Variants in ANXA3 observed in about 807,000 individuals in gnomAD.
ANXA3 encodes the protein annexin A3.
In ANXA3, 46 loss-of-function variants were observed where a neutral mutation model predicts 48.8. That is an observed-to-expected ratio of 0.94 (90% CI 0.74 to 1.21). The LOEUF (loss-of-function observed/expected upper bound fraction) is 1.21, where lower values mean the gene tolerates loss of function less well. Ranked by LOEUF, ANXA3 falls within the 50% of genes most tolerant of loss-of-function variation. ANXA3 has a pLI of 0.00. For synonymous variants in ANXA3, 128 were observed against 134.7 expected (o/e 0.95, Z 0.35); for missense variants, 383 against 378.6 (o/e 1.01, Z -0.10).
At chr4:78,584,021 C>T (rs1383230292) in intron 5 of ANXA3, among the ~76,000 whole-genome samples, 1 of 152,140 alleles carries the variant, frequency 6.6e-6, no homozygotes, top group African/African-American at 2.4e-5. Flanking sequence ...GCTACACTGG[C>T]CTTTTCTCTG....
intron 2 of ANXA3, among the ~76,000 whole-genome samples, chr4:78,563,850 C>T (rs1302418919): frequency 6.6e-6 from 1 of 152,136 alleles, no homozygotes; most frequent in East Asian, 1.9e-4. Flanking sequence ...TGTTAGATTG[C>T]AGGACCCTTA....
chr4:78,599,997 G>C (rs184618714), intron 10 of ANXA3, among the ~76,000 whole-genome samples: 1 of 152,122 alleles, frequency 6.6e-6, no homozygotes, highest in Non-Finnish European at 1.5e-5. Flanking sequence ...TTTTAATGTT[G>C]GGCAAGCACA....
At chr4:78,582,534 A>G (rs933565927) in intron 5 of ANXA3, 7 of 420,610 alleles carry the variant, frequency 1.7e-5, no homozygotes, top group Non-Finnish European at 2.1e-5. Context: ...CTAATTTGTC[A>G]TCGTTGAAAG....
chr4:78,591,767 G>T, intron 7 of ANXA3, 144 bp downstream of exon 7: 1 of 610,450 alleles, frequency 1.6e-6, no homozygotes, highest in Non-Finnish European at 2.9e-6. Context: ...CATTTTCATT[G>T]CCACCAAGCA....
At position 78,595,891 on chromosome 4, in the gene ANXA3, C is replaced by G. The variant is rs766462540; in HGVS notation, c.634+4C>G. On this transcript the variant is annotated splice_donor_region_variant and intron_variant, in intron 9 of 12. Coordinates refer to ENST00000264908, the MANE Select transcript of ANXA3 (RefSeq NM_005139.3). ...AGCTTTCCTCAATTAAAACTAAGTA[C>G]AAACTCACATTACAATCCTTTGTGT... is the stretch of plus-strand genomic sequence containing the variant. 2 of 1,552,988 alleles carry G rather than the reference C, an allele frequency of 1.3e-6. No individual in the cohort carries two copies. Among genetic ancestry groups the G allele is most frequent in the African/African-American group, 2.7e-5 (2 of 73,688 alleles).
chr4:78,607,779 GT>G (rs1723681546), intron 12 of ANXA3, among the ~76,000 whole-genome samples: 1 of 152,144 alleles, frequency 6.6e-6, no homozygotes, highest in Admixed American at 6.5e-5. Flanking sequence ...GAAGTTTGGG[GT>G]TAGAGAAATG....
chr4:78,558,632 T>C (rs1397790072), intron 2 of ANXA3, among the ~76,000 whole-genome samples: 1 of 152,246 alleles, frequency 6.6e-6, no homozygotes, highest in Non-Finnish European at 1.5e-5. Flanking sequence ...TTTTATATTC[T>C]ATCTAGGAGT....
At chr4:78,599,906 C>A (rs1350898887) in intron 10 of ANXA3, among the ~76,000 whole-genome samples, 1 of 151,876 alleles carries the variant, frequency 6.6e-6, no homozygotes, top group Non-Finnish European at 1.5e-5. Context: ...GCCTGAGTGA[C>A]AAAAGTGAGA....
At chr4:78,555,674 T>TA (rs113457974) in intron 2 of ANXA3, among the ~76,000 whole-genome samples, 298 of 142,394 alleles carry the variant, frequency 2.1e-3, no homozygotes, top group African/African-American at 5.3e-3. Context: ...CCCAGTCTCT[T>TA]AAAAAAAAAA....
chr4:78,603,888 T>C (rs1405302587), intron 11 of ANXA3: 4 of 155,544 alleles, frequency 2.6e-5, no homozygotes, highest in Admixed American at 6.5e-5. Context: ...GTTGACTGTT[T>C]AGTCCTTGCT....
At chr4:78,582,732 C>A (rs981763276) in intron 5 of ANXA3, among the ~76,000 whole-genome samples, 4 of 152,224 alleles carry the variant, frequency 2.6e-5, no homozygotes, top group African/African-American at 7.2e-5. Flanking sequence ...TGACCACCAT[C>A]ATCTCTTGAC....
intron 5 of ANXA3, among the ~76,000 whole-genome samples, chr4:78,584,111 A>G (rs535895377): frequency 1.3e-5 from 2 of 152,328 alleles, no homozygotes; most frequent in East Asian, 3.9e-4. Context: ...CTTTTCCTCC[A>G]GACATTTTCC....
rs112137547 is a variant in ANXA3, at chr4:78,575,308, GT to G, written c.103+2051del. Reference sequence around the variant, plus strand: ...TGAAAATATTTCCTATAAGTTTATGGTTTTTTTTTTAACATTGGTGACATGG... The same window carrying G: ...TGAAAATATTTCCTATAAGTTTATGGTTTTTTTTTAACATTGGTGACATGG... On this transcript the variant is annotated intron_variant, in intron 3 of 12. Coordinates refer to ENST00000264908, the MANE Select transcript of ANXA3 (RefSeq NM_005139.3). Among the ~76,000 whole-genome samples the G allele has an allele frequency of 8.3e-3, 1,230 of 148,432 alleles. 16 individuals carry two copies. The highest frequency in any genetic ancestry group is 0.028 in the African/African-American group (1,119 of 40,538).
At chr4:78,591,462 T>A (rs188097059) in intron 6 of ANXA3, 82 bp from the exon 7 acceptor site, 5 of 878,412 alleles carry the variant, frequency 5.7e-6, no homozygotes, top group Non-Finnish European at 7.5e-6. Context: ...TCTTTGCTAG[T>A]GTTGGCATTT....
intron 12 of ANXA3, among the ~76,000 whole-genome samples, chr4:78,606,675 T>TTCAA (rs1723654934): frequency 6.6e-6 from 1 of 151,968 alleles, no homozygotes; most frequent in Admixed American, 6.6e-5. Flanking sequence ...CAAATGGCCT[T>TTCAA]TGAATGAATG....
chr4:78,608,423 C>A (rs1232849303), intron 12 of ANXA3, among the ~76,000 whole-genome samples: 1 of 151,994 alleles, frequency 6.6e-6, no homozygotes, highest in Non-Finnish European at 1.5e-5. Flanking sequence ...TCATGCAGGA[C>A]CTTTTTGGCA....
intron 12 of ANXA3, among the ~76,000 whole-genome samples, chr4:78,607,870 C>A (rs562917029): frequency 6.6e-6 from 1 of 152,156 alleles, no homozygotes; most frequent in South Asian, 2.1e-4. Context: ...GAGCATTTAC[C>A]TTTAAGACCC....
intron 2 of ANXA3, among the ~76,000 whole-genome samples, chr4:78,570,783 T>C (rs981747336): frequency 7.2e-5 from 11 of 152,212 alleles, no homozygotes; most frequent in African/African-American, 2.7e-4. Flanking sequence ...GCTTAGCATG[T>C]AAAGTGTGCT....
intron 2 of ANXA3, among the ~76,000 whole-genome samples, chr4:78,559,732 C>T (rs1319862597): frequency 6.6e-6 from 1 of 152,136 alleles, no homozygotes; most frequent in Non-Finnish European, 1.5e-5. Context: ...AAGGTAGGCT[C>T]TTGAGCAAAT....
Sources: allele counts gnomAD v4.1 joint callset (sites outside exome capture counted in the v4.1 genomes callset), GRCh38; gene constraint gnomAD v4.1.1; transcripts MANE v1.5; gene names NCBI Gene and HGNC (gene_info 2026-07-23, HGNC 2026-07-21).